The following SNX29 variants were observed in gnomAD, a reference collection of about 807,000 sequenced individuals.
SNX29 encodes sorting nexin 29.
In SNX29, 78 loss-of-function variants were observed where a neutral mutation model predicts 102.1. The ratio of observed to expected loss-of-function variants is 0.76; its 90% CI spans 0.64 to 0.92. The LOEUF is 0.92. Ranked by LOEUF, SNX29 falls within the 40% of genes least tolerant of loss-of-function variation. The pLI is 0.00. For synonymous variants in SNX29, 580 were observed against 414.5 expected, an observed-to-expected ratio of 1.40 and a Z score of -4.85; for missense variants, 1,280 against 1,061.7, an observed-to-expected ratio of 1.21 and a Z score of -2.86.
intron 14 of SNX29, among the ~76,000 whole-genome samples, chr16:12,223,726 T>C (rs1473702115): frequency 6.6e-6 from 1 of 152,200 alleles, no homozygotes; most frequent in Non-Finnish European, 1.5e-5. Context: ...TGCTTTGCCC[T>C]GTGGGTGGGC....
chr16:12,061,446 A>C, intron 8 of SNX29, 82 bp from the exon 9 acceptor site: 1 of 1,161,640 alleles, frequency 8.6e-7, no homozygotes, highest in African/African-American at 1.5e-5. Context: ...AGTTCTCAGG[A>C]GGGTGCTGTG....
intron 18 of SNX29, among the ~76,000 whole-genome samples, chr16:12,456,574 G>A (rs1567582215): frequency 6.6e-6 from 1 of 152,076 alleles, no homozygotes; most frequent in Admixed American, 6.6e-5. Context: ...GGGGCAGTGT[G>A]TGAGTACTTG....
intron 13 of SNX29, among the ~76,000 whole-genome samples, chr16:12,159,555 A>C (rs1008205238): frequency 1.3e-5 from 2 of 152,178 alleles, no homozygotes; most frequent in African/African-American, 2.4e-5. Context: ...TTTCACAAGT[A>C]GGAGAATAGA....
chr16:12,048,245 A>T, intron 6 of SNX29, 127 bp from the exon 7 acceptor site: 1 of 1,393,068 alleles, frequency 7.2e-7, no homozygotes, highest in Non-Finnish European at 1.0e-6. Flanking sequence ...CATGGGAGGT[A>T]TTTTTATACC....
At chr16:12,503,424 G>C (rs1409094883) in intron 19 of SNX29, among the ~76,000 whole-genome samples, 1 of 152,208 alleles carries the variant, frequency 6.6e-6, no homozygotes, top group Non-Finnish European at 1.5e-5. Context: ...GCACTGAGAA[G>C]TCAGGGTGTT....
intron 11 of SNX29, among the ~76,000 whole-genome samples, chr16:12,122,847 G>T (rs1236658260): frequency 6.6e-6 from 1 of 151,962 alleles, no homozygotes; most frequent in Non-Finnish European, 1.5e-5. Flanking sequence ...TTTTTTTCTA[G>T]GCGGAGTCTC....
intron 14 of SNX29, among the ~76,000 whole-genome samples, chr16:12,271,493 T>A (rs1220461976): frequency 6.6e-6 from 1 of 152,126 alleles, no homozygotes; most frequent in Admixed American, 6.5e-5. Flanking sequence ...TGGAGGTGAG[T>A]CAATAAACAT....
At position 12,365,632 on chromosome 16, in the gene SNX29, A is replaced by G. The variant is rs114552326; in HGVS notation, c.1899+9353A>G. On this transcript the variant is annotated intron_variant, in intron 16 of 20. Transcript: ENST00000566228. Reference sequence around the variant, plus strand: ...TTGAACCCGGGTGGCGGAGGTTGCAATTGAGCCGAGATCACGCAACTACAC... The same window carrying G: ...TTGAACCCGGGTGGCGGAGGTTGCAGTTGAGCCGAGATCACGCAACTACAC... Among the ~76,000 whole-genome samples, 470 of 146,448 alleles carry G rather than the reference A, an allele frequency of 3.2e-3. 3 individuals carry two copies. The highest frequency in any genetic ancestry group is 0.011 in the African/African-American group (450 of 39,486).
intron 14 of SNX29, among the ~76,000 whole-genome samples, chr16:12,257,515 C>CTCTT (rs2078609523): frequency 6.6e-6 from 1 of 151,682 alleles, no homozygotes; most frequent in African/African-American, 2.4e-5. Flanking sequence ...CTCTCTCTCT[C>CTCTT]TCTCTTTAAG....
chr16:12,218,002 T>A (rs1464007415), intron 14 of SNX29, among the ~76,000 whole-genome samples: 4 of 152,214 alleles, frequency 2.6e-5, no homozygotes, highest in African/African-American at 9.6e-5. Flanking sequence ...TTTTCCCACC[T>A]TTTGGGGACA....
intron 15 of SNX29, among the ~76,000 whole-genome samples, chr16:12,310,914 C>T (rs537545638): frequency 1.4e-4 from 21 of 152,266 alleles, no homozygotes; most frequent in Admixed American, 2.0e-4. Flanking sequence ...GGCAAAATAA[C>T]GAAGAAGTAG....
At chr16:12,007,754 T>G (rs1448825678) in intron 3 of SNX29, among the ~76,000 whole-genome samples, 1 of 152,152 alleles carries the variant, frequency 6.6e-6, no homozygotes, top group Non-Finnish European at 1.5e-5. Context: ...GTTCTTGTCC[T>G]GCTTCCACCA....
intron 20 of SNX29, among the ~76,000 whole-genome samples, chr16:12,564,166 T>C (rs532200175): frequency 3.1e-4 from 47 of 152,170 alleles, no homozygotes; most frequent in African/African-American, 9.9e-4. Flanking sequence ...AGGTAGAGGA[T>C]TGCTTGAGTT....
intron 13 of SNX29, among the ~76,000 whole-genome samples, chr16:12,141,822 G>A (rs1173694597): frequency 6.6e-6 from 1 of 152,158 alleles, no homozygotes; most frequent in Non-Finnish European, 1.5e-5. Flanking sequence ...ACAGCATCCT[G>A]TTTTATCGTC....
chr16:12,476,206 C>T (rs1001834569), intron 18 of SNX29, among the ~76,000 whole-genome samples: 2 of 149,236 alleles, frequency 1.3e-5, no homozygotes, highest in Admixed American at 1.3e-4. Context: ...TCTGTAATCC[C>T]AGCTACTCGG....
chr16:12,499,015 A>T (rs1280088144), intron 19 of SNX29, among the ~76,000 whole-genome samples: 1 of 152,164 alleles, frequency 6.6e-6, no homozygotes, highest in Non-Finnish European at 1.5e-5. Flanking sequence ...AGGGAGCTGG[A>T]AAAATGAGCC....
Position 12,539,624 on chromosome 16 carries a change from T to G in SNX29, c.2318+14783T>G, listed in dbSNP as rs182037259. Among the ~76,000 whole-genome samples, 75 of 152,336 alleles carry G rather than the reference T, an allele frequency of 4.9e-4. 1 individual carries two copies. Among genetic ancestry groups the G allele is most frequent in the Non-Finnish European group, 1.0e-4 (7 of 68,024 alleles). ...TACCTAAGAGTTGAGGACTGGATCC[T>G]ATGCTAAATGTAAGAAACTGCATTC... is the stretch of plus-strand genomic sequence containing the variant. On this transcript the variant is annotated intron_variant, in intron 20 of 20. Transcript: ENST00000566228.
At chr16:12,442,589 G>GTT (rs1330837514) in intron 18 of SNX29, among the ~76,000 whole-genome samples, 111 of 142,408 alleles carry the variant, frequency 7.8e-4, no homozygotes, top group Non-Finnish European at 9.7e-4. Flanking sequence ...GTGTTTTTTT[G>GTT]TTTTTTTTTT....
At chr16:12,437,117 A>G (rs1355646093) in intron 18 of SNX29, among the ~76,000 whole-genome samples, 1 of 152,290 alleles carries the variant, frequency 6.6e-6, no homozygotes, top group Non-Finnish European at 1.5e-5. Context: ...CAGCGTGTGC[A>G]TAAAGAATCA....
Sources: gnomAD v4.1 joint callset for allele counts (sites outside exome capture counted in the v4.1 genomes callset) on GRCh38, gnomAD v4.1.1 for gene constraint, MANE v1.5 for transcripts, NCBI Gene and HGNC (gene_info 2026-07-23, HGNC 2026-07-21) for gene names.